Variants in TEKT5 observed in about 807,000 individuals in gnomAD.
TEKT5 encodes the protein tektin-5.
TEKT5 carries 52 observed loss-of-function variants against 48.7 expected under a neutral mutation model. That is an observed-to-expected ratio of 1.07 (90% CI 0.86 to 1.35). The LOEUF (loss-of-function observed/expected upper bound fraction) is 1.35, where lower values mean the gene tolerates loss of function less well. Ranked by LOEUF, TEKT5 falls within the 40% of genes most tolerant of loss-of-function variation. The pLI, the probability that TEKT5 is intolerant of heterozygous loss-of-function variation, is 0.00. For synonymous variants in TEKT5, 318 were observed against 267.6 expected, an observed-to-expected ratio of 1.19 and a Z score of -1.84; for missense variants, 831 against 641.6, an observed-to-expected ratio of 1.30 and a Z score of -3.19.
chr16:10,674,167 T>C (rs1898599844), intron 5 of TEKT5, among the ~76,000 whole-genome samples: 1 of 151,252 alleles, frequency 6.6e-6, no homozygotes, highest in African/African-American at 2.4e-5. Flanking sequence ...CCCTTGCTGC[T>C]CTCTCCGGAA....
intron 5 of TEKT5, among the ~76,000 whole-genome samples, chr16:10,643,252 G>A (rs1459534665): frequency 6.6e-6 from 1 of 152,082 alleles, no homozygotes; most frequent in East Asian, 1.9e-4. Flanking sequence ...GGTAGCTGAT[G>A]TCTATAGTCC....
At chr16:10,649,096 C>T (rs1157175639) in intron 5 of TEKT5, among the ~76,000 whole-genome samples, 1 of 151,920 alleles carries the variant, frequency 6.6e-6, no homozygotes, top group Non-Finnish European at 1.5e-5. Context: ...ACTACAGGTG[C>T]ATGCCACCAT....
At chr16:10,676,257 T>G in intron 4 of TEKT5, 76 bp from the exon 5 acceptor site, 1 of 1,426,108 alleles carries the variant, frequency 7.0e-7, no homozygotes, top group Non-Finnish European at 9.8e-7. Flanking sequence ...TTGGCAGTCT[T>G]GGCCTCTGGG....
Position 10,682,116 on chromosome 16 carries a change from T to G in TEKT5, c.740A>C (p.His247Pro). Residue 247 changes from histidine (H) to proline (P), a missense_variant, in exon 4 of 7, where the codon CAC becomes CCC. Transcript: ENST00000283025. ...GTCTTCGAGGTCCCTCTCCAGCACG[T>G]GCTGAGCATCCCGGTTATCCCTGCA... ...IQMRDNRDAQ[H>P]VLERDLEDKS... 1 of 1,614,150 alleles carries G rather than the reference T, an allele frequency of 6.2e-7. No individual in the cohort carries two copies. Among genetic ancestry groups the G allele is most frequent in the South Asian group, 1.1e-5 (1 of 91,084 alleles).
At chr16:10,659,857 G>A (rs890097646) in intron 5 of TEKT5, among the ~76,000 whole-genome samples, 9 of 152,206 alleles carry the variant, frequency 5.9e-5, no homozygotes, top group African/African-American at 1.7e-4. Context: ...TTGGGGTGAC[G>A]GAAATGGAAC....
At chr16:10,654,367 T>A (rs1362749273) in intron 5 of TEKT5, among the ~76,000 whole-genome samples, 1 of 152,206 alleles carries the variant, frequency 6.6e-6, no homozygotes, top group Non-Finnish European at 1.5e-5. Context: ...TAATTTTATA[T>A]GTCAATTTGA....
At chr16:10,681,203 A>C (rs1324755283) in intron 4 of TEKT5, among the ~76,000 whole-genome samples, 1 of 152,162 alleles carries the variant, frequency 6.6e-6, no homozygotes, top group Non-Finnish European at 1.5e-5. Flanking sequence ...TCTGTGCTTA[A>C]AACTTCACAC....
At chr16:10,644,983 C>T (rs1328898727) in intron 5 of TEKT5, among the ~76,000 whole-genome samples, 1 of 152,164 alleles carries the variant, frequency 6.6e-6, no homozygotes, top group African/African-American at 2.4e-5. Flanking sequence ...GGCTACTTTA[C>T]TCTCTTTCTG....
chr16:10,682,463 G>A (rs940234700), intron 3 of TEKT5, among the ~76,000 whole-genome samples: 2 of 152,056 alleles, frequency 1.3e-5, no homozygotes, highest in African/African-American at 4.8e-5. Context: ...GAGTAGCTAG[G>A]GCTACAGGCA....
chr16:10,689,462 C>T lies in TEKT5; in HGVS notation c.649-139G>A, dbSNP rs183632986. 425 of 692,876 alleles carry T rather than the reference C, an allele frequency of 6.1e-4. 2 individuals carry two copies. The East Asian group carries it at 7.7e-3, about 12-fold the overall frequency. The allele number at this position is 692,876 out of a possible 1,614,324, so 42.9% of individuals were successfully genotyped here. On this transcript the variant is annotated intron_variant, in intron 2 of 6. Transcript: ENST00000283025. ...GAGGTGAAATGTCAGCGTGGGGCCC[C>T]GCCTCAATCCACGTGACCCCAGGGC...
At chr16:10,652,080 T>A (rs1898168444) in intron 5 of TEKT5, among the ~76,000 whole-genome samples, 1 of 152,242 alleles carries the variant, frequency 6.6e-6, no homozygotes, top group Non-Finnish European at 1.5e-5. Flanking sequence ...GCCGTTCCAC[T>A]ACAGCAGGGA....
rs994908727 is a variant in TEKT5 at position 10,635,915 on chromosome 16, G to C, written c.1090C>G (p.Leu364Val). 6.2e-7 allele frequency: 1 copy of C among 1,613,716 alleles called. No individual in the cohort carries two copies. Among genetic ancestry groups the C allele is most frequent in the Non-Finnish European group, 8.5e-7 (1 of 1,180,004 alleles). ...TTCTCGGCCTGGAAGATCTCCTGCA[G>C]CGTCTGCGAGGGAACACACAGGTGT... Reference protein sequence around the residue: ...NKLQTQLAKTLQEIFQAENTI... With the variant: ...NKLQTQLAKTVQEIFQAENTI... The change falls in exon 6 of 7, where the codon CTG (leucine) becomes GTG (valine). Residue 364 changes from leucine to valine, a missense_variant. Coordinates refer to ENST00000283025, the MANE Select transcript of TEKT5 (RefSeq NM_144674.2).
chr16:10,630,404 TA>T (rs971127754), intron 6 of TEKT5, among the ~76,000 whole-genome samples: 5 of 148,932 alleles, frequency 3.4e-5, no homozygotes, highest in African/African-American at 7.4e-5. Flanking sequence ...CCTGGCTAAT[TA>T]AAAAAAAAAG....
At chr16:10,649,899 C>T (rs2541551) in intron 5 of TEKT5, among the ~76,000 whole-genome samples, 15,817 of 152,036 alleles carry the variant, frequency 0.1, 940 homozygotes, top group African/African-American at 0.17. Context: ...GAGGAGGACA[C>T]TGAGGGGCAG....
chr16:10,684,166 G>A (rs909951838), intron 3 of TEKT5, among the ~76,000 whole-genome samples: 2 of 152,218 alleles, frequency 1.3e-5, no homozygotes, highest in Non-Finnish European at 2.9e-5. Flanking sequence ...TTGCCTTGAA[G>A]TGTTTAGAAG....
chr16:10,688,371 G>A lies in TEKT5; in HGVS notation c.719+882C>T, dbSNP rs28435481. Among the ~76,000 whole-genome samples, 579 of 152,358 alleles carry A rather than the reference G, an allele frequency of 3.8e-3. 4 individuals carry two copies. The highest frequency in any genetic ancestry group is 0.013 in the African/African-American group (556 of 41,580). The stretch of plus-strand genomic sequence containing the variant: ...GGGGGATCCAAGGGCTCCTAGAGGA[G>A]GAGGTGGGTTCTGGGGCACAGCAAA... On this transcript the variant is annotated intron_variant, in intron 3 of 6. Transcript: ENST00000283025.
At position 10,687,545 on chromosome 16, in the gene TEKT5, G is replaced by A. The variant is rs578179142; in HGVS notation, c.719+1708C>T. Among the ~76,000 whole-genome samples the A allele has an allele frequency of 1.1e-4, 17 of 152,358 alleles. No individual in the cohort carries two copies. In the South Asian group the frequency reaches 3.5e-3, roughly 32 times the overall value. ...AGGTGGGCAGATCACCTGAGGTCAGGAGTTCCAGACCAGCCTGGCCAACAT... is the reference window on the plus strand; with the variant it reads ...AGGTGGGCAGATCACCTGAGGTCAGAAGTTCCAGACCAGCCTGGCCAACAT... On this transcript the variant is annotated intron_variant, in intron 3 of 6. Coordinates refer to ENST00000283025, the MANE Select transcript of TEKT5 (RefSeq NM_144674.2).
At position 10,684,417 on chromosome 16, in the gene TEKT5, G is replaced by T. The variant is rs1459763737; in HGVS notation, c.720-2281C>A. Among the ~76,000 whole-genome samples, 43 of 146,186 alleles carry T rather than the reference G, an allele frequency of 2.9e-4. 3 individuals are homozygous for T. The highest frequency in any genetic ancestry group is 4.5e-5 in the Non-Finnish European group (3 of 66,938). On this transcript the variant is annotated intron_variant, in intron 3 of 6. Coordinates refer to ENST00000283025, the MANE Select transcript of TEKT5 (RefSeq NM_144674.2). ...CATCTTTTTTTTTTTTTTTCCTGCT[G>T]TGGATGTTGGTTGCGGGTGAGGGGT...
chr16:10,680,999 TA>T (rs1199718377), intron 4 of TEKT5, among the ~76,000 whole-genome samples: 1 of 133,834 alleles, frequency 7.5e-6, no homozygotes, highest in African/African-American at 2.8e-5. Context: ...TCCTAAAACT[TA>T]AAGTATAATA....
Sources: allele counts gnomAD v4.1 joint callset (sites outside exome capture counted in the v4.1 genomes callset), GRCh38; gene constraint gnomAD v4.1.1; transcripts MANE v1.5; gene names NCBI Gene and HGNC (gene_info 2026-07-23, HGNC 2026-07-21).